CPNE8: variants seen among roughly 807,000 people sequenced by gnomAD.
CPNE8 encodes copine-8.
Under a neutral mutation model 81.5 loss-of-function variants are expected in CPNE8, and 45 were observed. That is an observed-to-expected ratio of 0.55 (90% CI 0.44 to 0.71). The LOEUF (loss-of-function observed/expected upper bound fraction) is 0.71. Ranked by LOEUF, CPNE8 falls within the 30% of genes least tolerant of loss-of-function variation. The pLI is 0.00. For missense variants in CPNE8, 594 were observed against 672.1 expected (o/e 0.88, Z 1.28); for synonymous variants, 252 against 226.3 (o/e 1.11, Z -1.02).
intron 16 of CPNE8, chr12:38,679,682 A>C: frequency 8.1e-6 from 8 of 985,094 alleles, no homozygotes; most frequent in Non-Finnish European, 9.6e-6. Context: ...CTTGTTCTAC[A>C]CGTTGGCACA....
intron 10 of CPNE8, among the ~76,000 whole-genome samples, chr12:38,735,300 A>G (rs1337833000): frequency 6.6e-6 from 1 of 152,068 alleles, no homozygotes; most frequent in Non-Finnish European, 1.5e-5. Context: ...GATGACCCTA[A>G]TTAAACGCAT....
In CPNE8 at chr12:38,766,258, C is replaced by G. The variant is rs562462090; in HGVS notation, c.575+1377G>C. 2.2e-4 allele frequency among the ~76,000 whole-genome samples: 33 copies of G among 152,118 alleles called. 1 individual carries two copies. The highest frequency in any genetic ancestry group is 2.2e-3 in the Admixed American group (33 of 15,272). ...GAAATTTTACAATTGTACAACTAAT[C>G]TTTATGAAGAAAACTAATAAGAATA... On this transcript the variant is annotated intron_variant, in intron 8 of 19. Transcript: ENST00000331366.
intron 19 of CPNE8, among the ~76,000 whole-genome samples, chr12:38,664,443 G>A (rs1939023488): frequency 6.6e-6 from 1 of 151,874 alleles, no homozygotes; most frequent in Admixed American, 6.6e-5. Flanking sequence ...AAAGCAATTT[G>A]TTAATAGTTT....
intron 5 of CPNE8, among the ~76,000 whole-genome samples, chr12:38,839,206 AGTT>A (rs1467994379): frequency 6.6e-6 from 1 of 152,058 alleles, no homozygotes; most frequent in African/African-American, 2.4e-5. Flanking sequence ...TCAATAAACA[AGTT>A]GATGGATTAG....
chr12:38,689,095 A>T lies in CPNE8; in HGVS notation c.1144-3478T>A, dbSNP rs113548124. 1.8e-3 allele frequency among the ~76,000 whole-genome samples: 272 copies of T among 152,350 alleles called. 1 individual carries two copies. The highest frequency in any genetic ancestry group is 6.1e-3 in the African/African-American group (253 of 41,586). On this transcript the variant is annotated intron_variant, in intron 15 of 19. Transcript: ENST00000331366. Reference sequence around the variant, plus strand: ...ACAAAAGTAAAACACAGGATTTTTTAAAAAATAAGCACATTTAATTTTGTT... The same window carrying T: ...ACAAAAGTAAAACACAGGATTTTTTTAAAAATAAGCACATTTAATTTTGTT...
intron 10 of CPNE8, among the ~76,000 whole-genome samples, chr12:38,754,784 A>G (rs1269204648): frequency 6.6e-6 from 1 of 152,146 alleles, no homozygotes. Context: ...CATATAGATT[A>G]TGAAATTCCA....
Position 38,880,220 on chromosome 12 carries a change from T to C in CPNE8, c.99-5709A>G, listed in dbSNP as rs79364226. ...ATAAACAGAATGATTCTGGTTTTAATTAAAATTTTGTAAATTATTAAGGGC... is the reference window on the plus strand; with the variant it reads ...ATAAACAGAATGATTCTGGTTTTAACTAAAATTTTGTAAATTATTAAGGGC... On this transcript the variant is annotated intron_variant, in intron 1 of 19. Transcript: ENST00000331366. 6.8e-3 allele frequency among the ~76,000 whole-genome samples: 1,034 copies of C among 152,330 alleles called. 17 individuals are homozygous for C. Among genetic ancestry groups the C allele is most frequent in the African/African-American group, 0.023 (959 of 41,568 alleles).
At chr12:38,723,995 T>G (rs1295915811) in intron 12 of CPNE8, among the ~76,000 whole-genome samples, 162 bp from the exon 13 acceptor site, 1 of 152,182 alleles carries the variant, frequency 6.6e-6, no homozygotes, top group Non-Finnish European at 1.5e-5. Context: ...ACATTTTAAA[T>G]TATCTGAAGG....
chr12:38,709,449 A>G (rs1246088679), intron 13 of CPNE8, among the ~76,000 whole-genome samples: 1 of 152,204 alleles, frequency 6.6e-6, no homozygotes, highest in East Asian at 1.9e-4. Flanking sequence ...GAGATGCACA[A>G]ATGCAAATTC....
chr12:38,801,769 C>A (rs1157155199), intron 6 of CPNE8, among the ~76,000 whole-genome samples: 1 of 96,112 alleles, frequency 1.0e-5, no homozygotes, highest in Non-Finnish European at 2.1e-5. Context: ...ACCCATCTCA[C>A]GTGCAGAGAC....
At chr12:38,872,970 C>A (rs374854838) in intron 3 of CPNE8, 34 bp downstream of exon 3, 2 of 1,243,300 alleles carry the variant, frequency 1.6e-6, no homozygotes, top group Non-Finnish European at 2.4e-6. Context: ...TATCTTCAAG[C>A]CCAGTGATTT....
chr12:38,900,391 A>G (rs992253097), intron 1 of CPNE8, among the ~76,000 whole-genome samples: 10 of 152,214 alleles, frequency 6.6e-5, no homozygotes, highest in Non-Finnish European at 7.3e-5. Flanking sequence ...TTCCCACATT[A>G]GACAATTTGG....
intron 3 of CPNE8, among the ~76,000 whole-genome samples, chr12:38,849,892 G>T (rs963186502): frequency 1.3e-5 from 2 of 152,118 alleles, no homozygotes; most frequent in Non-Finnish European, 2.9e-5. Flanking sequence ...AATTCTGCAT[G>T]GTAGAACTAG....
intron 3 of CPNE8, among the ~76,000 whole-genome samples, chr12:38,849,650 C>T (rs950330947): frequency 6.6e-6 from 1 of 152,202 alleles, no homozygotes; most frequent in Admixed American, 6.5e-5. Flanking sequence ...ACTAAGGCTA[C>T]TTCCAATGGA....
chr12:38,661,235 T>TA (rs890044090), intron 19 of CPNE8, among the ~76,000 whole-genome samples: 9 of 152,092 alleles, frequency 5.9e-5, no homozygotes, highest in Non-Finnish European at 1.3e-4. Context: ...TAGAATGGAT[T>TA]AAAAAAATGT....
At chr12:38,843,471 C>A (rs1943505827) in intron 4 of CPNE8, among the ~76,000 whole-genome samples, 1 of 151,896 alleles carries the variant, frequency 6.6e-6, no homozygotes, top group Non-Finnish European at 1.5e-5. Context: ...TCTTTCCACT[C>A]CCCAAAGCCA....
intron 11 of CPNE8, among the ~76,000 whole-genome samples, chr12:38,729,888 A>G (rs1940791498): frequency 6.6e-6 from 1 of 151,980 alleles, no homozygotes; most frequent in Admixed American, 6.6e-5. Context: ...ACGGTAGTGA[A>G]GGTGCTCAGA....
chr12:38,891,759 T>C (rs1944317517), intron 1 of CPNE8, among the ~76,000 whole-genome samples: 1 of 152,226 alleles, frequency 6.6e-6, no homozygotes, highest in South Asian at 2.1e-4. Context: ...TATAAACTAA[T>C]ATTTTTAAGG....
intron 4 of CPNE8, 150 bp downstream of exon 4, chr12:38,848,409 G>A (rs1943590308): frequency 1.9e-5 from 24 of 1,273,620 alleles, no homozygotes; most frequent in South Asian, 3.7e-5. Flanking sequence ...GCAAAGCAGG[G>A]GGCTTGCTTG....
Sources: allele counts gnomAD v4.1 joint callset (sites outside exome capture counted in the v4.1 genomes callset), GRCh38; gene constraint gnomAD v4.1.1; transcripts MANE v1.5; gene names NCBI Gene and HGNC (gene_info 2026-07-23, HGNC 2026-07-21).